The following MED8 variants were observed in gnomAD, a reference collection of about 807,000 sequenced individuals.
MED8 encodes the protein mediator of RNA polymerase II transcription subunit 8.
A neutral mutation model predicts 34.8 loss-of-function variants in MED8; 22 were observed. The observed-to-expected ratio is 0.63, with a 90% confidence interval of 0.45 to 0.90. The LOEUF (loss-of-function observed/expected upper bound fraction) is 0.90, where lower values mean the gene tolerates loss of function less well. Ranked by LOEUF, MED8 falls within the 40% of genes least tolerant of loss-of-function variation. The pLI, the probability that MED8 is intolerant of heterozygous loss-of-function variation, is 0.00. For synonymous variants in MED8, 105 were observed against 120.2 expected (o/e 0.87, Z 0.83); for missense variants, 260 against 326.3 (o/e 0.80, Z 1.57).
Position 43,388,399 on chromosome 1 carries a change from T to A in MED8, c.36A>T (p.Leu12Phe). 1 of 1,613,644 alleles carries A rather than the reference T, an allele frequency of 6.2e-7. No individual in the cohort carries two copies. Among genetic ancestry groups the A allele is most frequent in the Non-Finnish European group, 8.5e-7 (1 of 1,179,878 alleles). The stretch of plus-strand genomic sequence containing the variant: ...CAGCCACTTGACTCAGCAGTGCATC[T>A]AATGATGCCTCAAGCTGCTTCTCCT... ...QREEKQLEAS[L>F]DALLSQVADL... The change falls in exon 2 of 7, where the codon TTA (leucine) becomes TTT (phenylalanine). Residue 12 changes from leucine to phenylalanine, a missense_variant. Coordinates refer to ENST00000372457, the MANE Select transcript of MED8 (RefSeq NM_201542.5).
chr1:43,387,053 G>T, intron 3 of MED8, 55 bp from the exon 4 acceptor site: 3 of 1,596,682 alleles, frequency 1.9e-6, no homozygotes, highest in Non-Finnish European at 8.5e-7. Flanking sequence ...GATTCTATCT[G>T]GCCTGACATA....
chr1:43,386,304 G>A lies in MED8; in HGVS notation c.494-78C>T, dbSNP rs1647730876. 6.5e-7 allele frequency: 1 copy of A among 1,530,644 alleles called. No homozygotes were observed. Among genetic ancestry groups the A allele is most frequent in the African/African-American group, 1.4e-5 (1 of 73,200 alleles). 94.8% of individuals were successfully genotyped at this position (1,530,644 alleles called of 1,614,324 possible). On this transcript the variant is annotated intron_variant, in intron 5 of 6. Coordinates refer to ENST00000372457, the MANE Select transcript of MED8 (RefSeq NM_201542.5). This position sits in a 1 kb window ranked among gnomAD's most constrained non-coding sequence, Gnocchi z 4.9. ...CGTGGCAGCTGGAAGACCAGTATGA[G>A]TGCCAGGGTTTGGAGTTCTGAATTC...
At chr1:43,388,471 T>C in intron 1 of MED8, 43 bp from the exon 2 acceptor site, 3 of 1,607,004 alleles carry the variant, frequency 1.9e-6, no homozygotes, top group Non-Finnish European at 2.5e-6. Context: ...TAAACGAGTA[T>C]GACACATAGA....
chr1:43,384,188 T>C lies in MED8; in HGVS notation c.*854A>G. The C allele has an allele frequency of 2.9e-6, 1 of 346,980 alleles. No individual in the cohort carries two copies. Among genetic ancestry groups the C allele is most frequent in the South Asian group, 6.5e-5 (1 of 15,374 alleles). 21.5% of individuals were successfully genotyped at this position (346,980 alleles called of 1,614,324 possible). A position where few individuals can be genotyped will look rare whatever the true frequency, so the allele number is the denominator to read the frequency against. The stretch of plus-strand genomic sequence containing the variant: ...GCCAAAGTCGAGAAAGTGGGCACCA[T>C]TATGAGGTCAACTAAACCCTGATGG... On this transcript the variant is annotated 3_prime_UTR_variant, in exon 7 of 7. Coordinates refer to ENST00000372457, the MANE Select transcript of MED8 (RefSeq NM_201542.5).
chr1:43,384,644 C>T lies in MED8; in HGVS notation c.*398G>A, dbSNP rs1350823091. ...TAGCCTTATTTGATCTTGTGTCCAT[C>T]AGCTCACCATTGACGTGAGGCAGTA... is the stretch of plus-strand genomic sequence containing the variant. On this transcript the variant is annotated 3_prime_UTR_variant, in exon 7 of 7. Transcript: ENST00000372457. The T allele has an allele frequency of 2.7e-6, 4 of 1,491,292 alleles. No individual in the cohort carries two copies. In the East Asian group the frequency reaches 7.4e-5, roughly 28 times the overall value. 92.4% of individuals were successfully genotyped at this position (1,491,292 alleles called of 1,614,324 possible).
chr1:43,384,969 A>G lies in MED8; in HGVS notation c.*73T>C. 6.6e-7 allele frequency: 1 copy of G among 1,520,610 alleles called. No individual in the cohort carries two copies. Among genetic ancestry groups the G allele is most frequent in the Non-Finnish European group, 8.8e-7 (1 of 1,134,604 alleles). 94.2% of individuals were successfully genotyped at this position (1,520,610 alleles called of 1,614,324 possible). On this transcript the variant is annotated 3_prime_UTR_variant, in exon 7 of 7. Transcript: ENST00000372457. Reference sequence around the variant, plus strand: ...TCTTTTTATTGTACCCATCTAGGTGAGCCTTGAGCAAAAGGTAATTTCACT... The same window carrying G: ...TCTTTTTATTGTACCCATCTAGGTGGGCCTTGAGCAAAAGGTAATTTCACT...
intron 6 of MED8, chr1:43,385,412 CT>C: frequency 6.5e-6 from 2 of 306,204 alleles, no homozygotes; most frequent in Non-Finnish European, 6.1e-6. Flanking sequence ...CATTGTTTTT[CT>C]TTTTTTATAT....
chr1:43,388,634 CCAAGTCCTTCCACCAA>C, intron 1 of MED8: 4 of 687,348 alleles, frequency 5.8e-6, no homozygotes, highest in Admixed American at 3.1e-5. Context: ...TTGCCTGACC[CCAAGTCCTTCCACCAA>C]CTGATTCCTT....
At chr1:43,385,340 C>G (rs1286924419) in intron 6 of MED8, 1 of 520,756 alleles carries the variant, frequency 1.9e-6, no homozygotes, top group Non-Finnish European at 3.4e-6. Context: ...ACTCCTAGAA[C>G]AGATAGCTAA....
rs576231216 is a variant in MED8, at chr1:43,384,301, T to C, written c.*741A>G. 1.9e-4 allele frequency: 197 copies of C among 1,014,582 alleles called. 2 individuals are homozygous for C. In the African/African-American group the frequency reaches 2.9e-3, roughly 15 times the overall value. The allele number at this position is 1,014,582 out of a possible 1,614,324, so 62.8% of individuals were successfully genotyped here. ...TTTTTCGTGTGCTAAGGAAAAACCC[T>C]TTCCCACATAGTCCTGCCTGGCAGA... On this transcript the variant is annotated 3_prime_UTR_variant, in exon 7 of 7. Coordinates refer to ENST00000372457, the MANE Select transcript of MED8 (RefSeq NM_201542.5).
At chr1:43,387,879 G>C (rs912371943) in intron 2 of MED8, among the ~76,000 whole-genome samples, 7 of 152,194 alleles carry the variant, frequency 4.6e-5, no homozygotes, top group African/African-American at 1.7e-4. Context: ...TTGTTTGAAT[G>C]GGGTGAGGAA....
Position 43,384,332 on chromosome 1 carries a change from T to C in MED8, c.*710A>G. 1 of 1,338,090 alleles carries C rather than the reference T, an allele frequency of 7.5e-7. No homozygotes were observed. The highest frequency in any genetic ancestry group is 1.0e-6 in the Non-Finnish European group (1 of 1,004,692). The allele number at this position is 1,338,090 out of a possible 1,614,324, so 82.9% of individuals were successfully genotyped here. Reference sequence around the variant, plus strand: ...ACATAGTCCTGCCTGGCAGAGCCACTTCCTGAGAAAGCCTCGTGTGTATAA... The same window carrying C: ...ACATAGTCCTGCCTGGCAGAGCCACCTCCTGAGAAAGCCTCGTGTGTATAA... On this transcript the variant is annotated 3_prime_UTR_variant, in exon 7 of 7. Coordinates refer to ENST00000372457, the MANE Select transcript of MED8 (RefSeq NM_201542.5).
intron 2 of MED8, 154 bp from the exon 3 acceptor site, chr1:43,387,801 G>A (rs1647786442): frequency 1.3e-6 from 1 of 757,434 alleles, no homozygotes; most frequent in Admixed American, 2.6e-5. Flanking sequence ...GACTAACAGG[G>A]ATGACAGGGC....
chr1:43,385,046 C>T lies in MED8; in HGVS notation c.803G>A (p.Arg268Gln), dbSNP rs111240422. Residue 268 changes from arginine (R) to glutamine (Q), a missense_variant, in exon 7 of 7, where the codon CGG (arginine) becomes CAG (glutamine). Physicochemically the swap from Arg to Gln is conservative, Grantham distance 43 (BLOSUM62 1). Transcript: ENST00000372457. The part of the protein sequence containing the change: ...IKSASMHPYQ[R>Q] ...AGTCGAGGTTGCCAGCCACACTCAC[C>T]GCTGGTAGGGATGCATGGAAGCCGA... 11 of 1,556,446 alleles carry T rather than the reference C, an allele frequency of 7.1e-6. No homozygotes were observed. Among genetic ancestry groups the T allele is most frequent in the Non-Finnish European group, 9.6e-6 (11 of 1,149,452 alleles).
intron 2 of MED8, 127 bp downstream of exon 2, chr1:43,388,183 A>T: frequency 1.1e-6 from 1 of 923,350 alleles, no homozygotes; most frequent in Non-Finnish European, 1.6e-6. Flanking sequence ...TAGGAAACCC[A>T]GCTCTTTCCA....
At chr1:43,389,365 A>G (rs1201649437) in intron 1 of MED8, among the ~76,000 whole-genome samples, 2 of 152,012 alleles carry the variant, frequency 1.3e-5, no homozygotes, top group Non-Finnish European at 2.9e-5. Flanking sequence ...CTTCTTTCCA[A>G]TTAGATCCCC....
intron 1 of MED8, chr1:43,389,195 T>C (rs1647938239): frequency 6.5e-6 from 1 of 153,664 alleles, no homozygotes; most frequent in African/African-American, 2.4e-5. Context: ...ACTCCATTTC[T>C]TCACCCTTAA....
rs764244316 is a variant in MED8 at position 43,384,488 on chromosome 1, G to A, written c.*554C>T. Reference sequence around the variant, plus strand: ...AGGTGGGCATTTTTTTTTCCTTCCTGGCCCAGAAGCTTCTTCACCTTGCGC... The same window carrying A: ...AGGTGGGCATTTTTTTTTCCTTCCTAGCCCAGAAGCTTCTTCACCTTGCGC... On this transcript the variant is annotated 3_prime_UTR_variant, in exon 7 of 7. Coordinates refer to ENST00000372457, the MANE Select transcript of MED8 (RefSeq NM_201542.5). 2 of 1,609,978 alleles carry A rather than the reference G, an allele frequency of 1.2e-6. No homozygotes were observed. Among genetic ancestry groups the A allele is most frequent in the Admixed American group, 1.7e-5 (1 of 59,450 alleles).
At position 43,384,916 on chromosome 1, in the gene MED8, G is replaced by A; in HGVS notation, c.*126C>T. On this transcript the variant is annotated 3_prime_UTR_variant, in exon 7 of 7. Transcript: ENST00000372457. ...ACACAGCTAGTCAGTGGTGGAAGTG[G>A]GATTTGTCTGCTGCTGAAAGCCCAT... The A allele has an allele frequency of 1.4e-6, 2 of 1,443,736 alleles. No individual in the cohort carries two copies. The highest frequency in any genetic ancestry group is 1.8e-6 in the Non-Finnish European group (2 of 1,098,576). 89.4% of individuals were successfully genotyped at this position (1,443,736 alleles called of 1,614,324 possible).
Sources: gnomAD v4.1 joint callset for allele counts (sites outside exome capture counted in the v4.1 genomes callset) on GRCh38, gnomAD v4.1.1 for gene constraint, Gnocchi (gnomAD v3.1) non-coding constraint, MANE v1.5 for transcripts, NCBI Gene and HGNC (gene_info 2026-07-23, HGNC 2026-07-21) for gene names.